The following DNAH11 variants were observed in gnomAD, a reference collection of about 807,000 sequenced individuals.
DNAH11 encodes axonemal beta dynein heavy chain 11.
DNAH11 carries 442 observed loss-of-function variants against 526.0 expected under a neutral mutation model. That is an observed-to-expected ratio of 0.84 (90% CI 0.78 to 0.91). The LOEUF (loss-of-function observed/expected upper bound fraction) is 0.91, where lower values mean the gene tolerates loss of function less well. Among genes scored for constraint, DNAH11 ranks in the 40% least tolerant of loss-of-function variants. DNAH11 has a pLI of 0.00. For missense variants in DNAH11, 6,989 were observed against 5,448.7 expected (o/e 1.28, Z -8.90); for synonymous variants, 2,461 against 1,935.9 (o/e 1.27, Z -7.12).
chr7:21,778,430 A>G (rs1271487565), intron 56 of DNAH11, among the ~76,000 whole-genome samples: 1 of 152,048 alleles, frequency 6.6e-6, no homozygotes. Context: ...CAAGAGGCCT[A>G]TTTTCTGTTT....
At chr7:21,741,906 T>G in intron 48 of DNAH11, 21 bp from the exon 49 acceptor site, 1 of 1,612,508 alleles carries the variant, frequency 6.2e-7, no homozygotes, top group Non-Finnish European at 8.5e-7. Flanking sequence ...CTTACACTCT[T>G]ATATTTGCTT....
intron 54 of DNAH11, among the ~76,000 whole-genome samples, chr7:21,754,019 T>A (rs1786521690): frequency 1.3e-5 from 2 of 152,236 alleles, no homozygotes. Context: ...GCTACCTTAC[T>A]GTCTCTCTTA....
rs555017436 is a variant in DNAH11 at position 21,639,172 on chromosome 7, T to C, written c.4944+107T>C. ...CTGTCATGTCACGTGGGCCAGGAAC[T>C]AGAAAATCTGCAGTTAAAATTTGTA... On this transcript the variant is annotated intron_variant, in intron 28 of 81. Coordinates refer to ENST00000409508, the MANE Select transcript of DNAH11 (RefSeq NM_001277115.2). 1.8e-5 allele frequency: 24 copies of C among 1,342,964 alleles called. No homozygotes were observed. In the East Asian group the frequency reaches 3.3e-4, roughly 18 times the overall value. The allele number at this position is 1,342,964 out of a possible 1,614,324, so 83.2% of individuals were successfully genotyped here. A position where few individuals can be genotyped will look rare whatever the true frequency, so the allele number is the denominator to read the frequency against.
chr7:21,786,330 A>G lies in DNAH11; in HGVS notation c.9598-294A>G, dbSNP rs201548254. On this transcript the variant is annotated intron_variant, in intron 58 of 81. Coordinates refer to ENST00000409508, the MANE Select transcript of DNAH11 (RefSeq NM_001277115.2). ...TGTGTGTGTGTGTGTGTGTGTGTGT[A>G]TCCTGGCCTCAGTGAGCAGGGCTCT... Among the ~76,000 whole-genome samples, 8 of 92,826 alleles carry G rather than the reference A, an allele frequency of 8.6e-5. No homozygotes were observed. The East Asian group carries it at 2.5e-3, about 28-fold the overall frequency. The allele number at this position is 92,826 out of a possible 152,430, so 60.9% of individuals were successfully genotyped here.
At chr7:21,847,947 C>T (rs572242852) in intron 66 of DNAH11, among the ~76,000 whole-genome samples, 5 of 151,990 alleles carry the variant, frequency 3.3e-5, no homozygotes, top group Admixed American at 2.0e-4. Context: ...GGGCGGATCA[C>T]GAGGTCAGGG....
At chr7:21,757,154 G>T (rs776969309) in intron 54 of DNAH11, among the ~76,000 whole-genome samples, 1 of 152,144 alleles carries the variant, frequency 6.6e-6, no homozygotes, top group Non-Finnish European at 1.5e-5. Flanking sequence ...AGTTTGCTGC[G>T]TAGACAGATC....
intron 1 of DNAH11, among the ~76,000 whole-genome samples, chr7:21,544,088 T>G (rs949923448): frequency 3.9e-5 from 6 of 152,182 alleles, no homozygotes; most frequent in African/African-American, 1.4e-4. Flanking sequence ...CCCTGCAATC[T>G]CCGCACACAT....
chr7:21,715,856 T>TCCCCC (rs758811310), intron 42 of DNAH11, among the ~76,000 whole-genome samples: 1 of 122,712 alleles, frequency 8.1e-6, no homozygotes, highest in Non-Finnish European at 1.7e-5. Context: ...TTATCTGATT[T>TCCCCC]CCCCCTCCCA....
intron 57 of DNAH11, among the ~76,000 whole-genome samples, chr7:21,783,842 T>C (rs185032435): frequency 1.3e-5 from 2 of 152,282 alleles, no homozygotes; most frequent in Non-Finnish European, 2.9e-5. Context: ...GCATCTCTGG[T>C]TTCTTATCAT....
chr7:21,777,188 C>A (rs1181156633), intron 56 of DNAH11, among the ~76,000 whole-genome samples: 1 of 152,046 alleles, frequency 6.6e-6, no homozygotes, highest in African/African-American at 2.4e-5. Context: ...AATATGTAAC[C>A]ATTGGGTATT....
intron 47 of DNAH11, 113 bp downstream of exon 47, chr7:21,738,979 A>T: frequency 9.1e-7 from 1 of 1,096,126 alleles, no homozygotes; most frequent in Non-Finnish European, 1.2e-6. Flanking sequence ...ATTATTATGG[A>T]TGAATTCAAG....
chr7:21,694,230 G>A (rs369151818), intron 35 of DNAH11, among the ~76,000 whole-genome samples: 3 of 152,104 alleles, frequency 2.0e-5, no homozygotes, highest in African/African-American at 4.8e-5. Context: ...TGTGCAGAAT[G>A]TGCAGGTTTG....
At chr7:21,692,905 C>G (rs1783690670) in intron 35 of DNAH11, among the ~76,000 whole-genome samples, 1 of 152,176 alleles carries the variant, frequency 6.6e-6, no homozygotes, top group African/African-American at 2.4e-5. Context: ...GTTTAGTTTG[C>G]ATCTCCATGA....
chr7:21,691,851 T>C (rs1035090182), intron 35 of DNAH11, among the ~76,000 whole-genome samples: 8 of 152,166 alleles, frequency 5.3e-5, no homozygotes, highest in African/African-American at 1.9e-4. Context: ...TTTTTTTTAT[T>C]ATAATGAAGT....
chr7:21,584,318 T>C (rs1201266109), intron 9 of DNAH11, among the ~76,000 whole-genome samples: 2 of 151,966 alleles, frequency 1.3e-5, no homozygotes, highest in South Asian at 4.2e-4. Context: ...CTCAGCAAAC[T>C]AACACAGGAA....
In DNAH11 at chr7:21,901,041, T is replaced by G. The variant is rs1784793076; in HGVS notation, c.13338T>G (p.Val4446=). The change falls in exon 82 of 82, where the codon GTT becomes GTG. Residue 4446 remains valine (V), a synonymous_variant. Coordinates refer to ENST00000409508, the MANE Select transcript of DNAH11 (RefSeq NM_001277115.2). ...ARWDTQAGTI[V]EARLKELACP... ...GGGACACCCAAGCAGGAACCATTGTTGAAGCCCGTCTCAAGGAGCTGGCAT... is the reference window on the plus strand; with the variant it reads ...GGGACACCCAAGCAGGAACCATTGTGGAAGCCCGTCTCAAGGAGCTGGCAT... 4.3e-6 allele frequency: 7 copies of G among 1,612,228 alleles called. No homozygotes were observed. The highest frequency in any genetic ancestry group is 5.9e-6 in the Non-Finnish European group (7 of 1,179,086).
At chr7:21,648,242 G>A (rs1787447632) in intron 28 of DNAH11, among the ~76,000 whole-genome samples, 1 of 152,162 alleles carries the variant, frequency 6.6e-6, no homozygotes, top group South Asian at 2.1e-4. Context: ...ACCAATAAAA[G>A]TACGTAACGT....
rs893999617 is a variant in DNAH11, at chr7:21,729,352, T to C, written c.7440+3368T>C. 1.2e-4 allele frequency among the ~76,000 whole-genome samples: 19 copies of C among 152,200 alleles called. 1 individual carries two copies. Among genetic ancestry groups the C allele is most frequent in the Non-Finnish European group, 1.5e-5 (1 of 68,028 alleles). ...GAAATAGCTGATTTTGTCTAAGAAT[T>C]ACACCCCTAATTTCTTTATGGAGTC... On this transcript the variant is annotated intron_variant, in intron 45 of 81. Transcript: ENST00000409508.
intron 28 of DNAH11, among the ~76,000 whole-genome samples, chr7:21,653,751 G>A (rs1781889226): frequency 6.6e-6 from 1 of 152,182 alleles, no homozygotes; most frequent in Non-Finnish European, 1.5e-5. Flanking sequence ...AAGTAAGCGA[G>A]AGTCTCAAAA....
Sources: allele counts gnomAD v4.1 joint callset (sites outside exome capture counted in the v4.1 genomes callset), GRCh38; gene constraint gnomAD v4.1.1; transcripts MANE v1.5; gene names NCBI Gene and HGNC (gene_info 2026-07-23, HGNC 2026-07-21).